STK3: variants seen among roughly 807,000 people sequenced by gnomAD.
STK3 encodes serine/threonine kinase 3.
A neutral mutation model predicts 58.0 loss-of-function variants in STK3; 41 were observed. The observed-to-expected ratio is 0.71, with a 90% CI of 0.55 to 0.92. The LOEUF (loss-of-function observed/expected upper bound fraction) is 0.92. STK3 is among the 40% of genes least tolerant of loss of function. The pLI is 0.00. For missense variants in STK3, 479 were observed against 602.7 expected, an observed-to-expected ratio of 0.79 and a Z score of 2.15; for synonymous variants, 170 against 191.0, an observed-to-expected ratio of 0.89 and a Z score of 0.91.
At chr8:98,558,540 T>G (rs140200046) in intron 8 of STK3, among the ~76,000 whole-genome samples, 1 of 152,244 alleles carries the variant, frequency 6.6e-6, no homozygotes, top group African/African-American at 2.4e-5. Context: ...TATACAAAAG[T>G]AAATAATGAA....
chr8:98,347,634 A>G, the STK3 span, among the ~76,000 whole-genome samples: 7 of 152,230 alleles, frequency 4.6e-5, no homozygotes, highest in African/African-American at 1.7e-4. Flanking sequence ...ATGATGAACT[A>G]AAGTCTACCC....
At chr8:98,440,400 GGC>G (rs1165959712) in intron 1 of STK3, among the ~76,000 whole-genome samples, 1 of 152,072 alleles carries the variant, frequency 6.6e-6, no homozygotes, top group Admixed American at 6.5e-5. Context: ...CTAGTTTGTT[GGC>G]ATTAAGTACA....
At chr8:98,629,348 T>C (rs1818994567) in intron 6 of STK3, among the ~76,000 whole-genome samples, 1 of 152,184 alleles carries the variant, frequency 6.6e-6, no homozygotes, top group African/African-American at 2.4e-5. Flanking sequence ...AGAAACCTTT[T>C]TTAAACCCAC....
chr8:98,724,821 G>C (rs1309143588), intron 4 of STK3, among the ~76,000 whole-genome samples: 1 of 152,218 alleles, frequency 6.6e-6, no homozygotes, highest in South Asian at 2.1e-4. Context: ...AAGCCAAAAG[G>C]TGCCAAAAGC....
At chr8:98,810,433 T>C (rs574031717) in intron 1 of STK3, among the ~76,000 whole-genome samples, 14 of 152,010 alleles carry the variant, frequency 9.2e-5, no homozygotes, top group Admixed American at 7.2e-4. Context: ...CACCTGTGAT[T>C]TTCTGCTGTT....
At chr8:98,890,404 A>G (rs1204182839) in intron 1 of STK3, among the ~76,000 whole-genome samples, 2 of 152,180 alleles carry the variant, frequency 1.3e-5, no homozygotes, top group Admixed American at 6.5e-5. Flanking sequence ...AACAGCCTTT[A>G]ATTACAATAT....
intron 7 of STK3, among the ~76,000 whole-genome samples, chr8:98,585,098 A>C (rs1332688952): frequency 4.6e-5 from 7 of 150,834 alleles, no homozygotes; most frequent in African/African-American, 1.5e-4. Flanking sequence ...TCTTTAGTTT[A>C]ATTAGATCCC....
intron 10 of STK3, among the ~76,000 whole-genome samples, chr8:98,515,391 T>C (rs1483133428): frequency 6.6e-6 from 1 of 152,142 alleles, no homozygotes; most frequent in Non-Finnish European, 1.5e-5. Context: ...CTGACCCAGC[T>C]GAAATGTGCA....
intron 4 of STK3, among the ~76,000 whole-genome samples, chr8:98,708,014 T>G (rs1826085764): frequency 1.3e-5 from 2 of 151,704 alleles, no homozygotes; most frequent in Non-Finnish European, 2.9e-5. Context: ...TGGCGTGCAC[T>G]TGTAATCCCA....
intron 6 of STK3, among the ~76,000 whole-genome samples, chr8:98,698,055 G>A (rs1368859330): frequency 1.3e-5 from 2 of 152,122 alleles, no homozygotes; most frequent in Non-Finnish European, 2.9e-5. Context: ...TCCTGTATTG[G>A]GTGCATATAT....
intron 1 of STK3, chr8:98,905,598 A>G (rs1838866110): frequency 2.0e-6 from 2 of 1,012,676 alleles, no homozygotes; most frequent in South Asian, 1.3e-5. Context: ...CACCTTCCCT[A>G]CTGCTTGAAA....
At chr8:98,643,991 G>A (rs1156376249) in intron 6 of STK3, among the ~76,000 whole-genome samples, 1 of 151,872 alleles carries the variant, frequency 6.6e-6, no homozygotes, top group South Asian at 2.1e-4. Context: ...CTCCAGCATA[G>A]GCAACAGACA....
At chr8:98,364,662 C>G in the STK3 span, among the ~76,000 whole-genome samples, 1 of 152,202 alleles carries the variant, frequency 6.6e-6, no homozygotes, top group African/African-American at 2.4e-5. Context: ...TCTCCATCTT[C>G]CCCCACCCCT....
chr8:98,576,622 T>C (rs1225388630), intron 8 of STK3, among the ~76,000 whole-genome samples: 1 of 152,244 alleles, frequency 6.6e-6, no homozygotes, highest in Non-Finnish European at 1.5e-5. Context: ...ATTTATATTT[T>C]AGGTATTTCA....
At chr8:98,413,628 G>A (rs1162279030) in intron 3 of STK3, 3 of 732,088 alleles carry the variant, frequency 4.1e-6, no homozygotes, top group African/African-American at 1.7e-5. Flanking sequence ...ACAAAGGTCT[G>A]CCAGTTTCTC....
chr8:98,501,951 G>A (rs542385953), intron 10 of STK3, among the ~76,000 whole-genome samples: 3 of 152,184 alleles, frequency 2.0e-5, no homozygotes, highest in Non-Finnish European at 4.4e-5. Context: ...GAAAGGCATT[G>A]GTAGCTTGAC....
At chr8:98,614,714 T>A (rs1484743009) in intron 6 of STK3, among the ~76,000 whole-genome samples, 1 of 151,874 alleles carries the variant, frequency 6.6e-6, no homozygotes, top group African/African-American at 2.4e-5. Context: ...ACCTGGAAAA[T>A]CGGGTCACTC....
chr8:98,878,102 G>A (rs1837627303), intron 3 of STK3, among the ~76,000 whole-genome samples: 1 of 151,062 alleles, frequency 6.6e-6, no homozygotes, highest in African/African-American at 2.4e-5. Flanking sequence ...ACCCAGGCTG[G>A]AGTGCAGTGG....
chr8:98,829,004 A>G (rs947879613), upstream of STK3, among the ~76,000 whole-genome samples: 2 of 152,120 alleles, frequency 1.3e-5, no homozygotes, highest in African/African-American at 2.4e-5. Flanking sequence ...ATCCTTTTCC[A>G]TCTGCTCTCT....
Sources: allele counts gnomAD v4.1 joint callset (sites outside exome capture counted in the v4.1 genomes callset), GRCh38; gene constraint gnomAD v4.1.1; transcripts MANE v1.5; gene names NCBI Gene and HGNC (gene_info 2026-07-23, HGNC 2026-07-21).